Variants in OCA2 observed in about 807,000 individuals in gnomAD.
OCA2 encodes the protein OCA2 melanosomal transmembrane protein.
Under a neutral mutation model 100.2 loss-of-function variants are expected in OCA2, and 77 were observed. The ratio of observed to expected loss-of-function variants is 0.77; its 90% confidence interval spans 0.64 to 0.93. OCA2 has a LOEUF of 0.93. OCA2 is among the 40% of genes least tolerant of loss of function. The pLI is 0.00. For missense variants in OCA2, 1,062 were observed against 1,089.1 expected (o/e 0.98, Z 0.35); for synonymous variants, 432 against 439.2 (o/e 0.98, Z 0.21).
chr15:27,956,155 G>C (rs2040216308), intron 16 of OCA2, among the ~76,000 whole-genome samples: 1 of 152,102 alleles, frequency 6.6e-6, no homozygotes, highest in African/African-American at 2.4e-5. Flanking sequence ...TTCGAGATCA[G>C]CCTGACCAAC....
intron 2 of OCA2, among the ~76,000 whole-genome samples, chr15:28,077,809 C>T (rs1041807313): frequency 4.6e-5 from 7 of 152,180 alleles, no homozygotes; most frequent in Admixed American, 3.9e-4. Flanking sequence ...GGGCCAGAAG[C>T]GGTGGCTCAT....
intron 1 of OCA2, among the ~76,000 whole-genome samples, chr15:28,095,001 G>C (rs977846319): frequency 7.2e-5 from 11 of 152,254 alleles, no homozygotes; most frequent in Non-Finnish European, 2.9e-5. Flanking sequence ...CAGGAGCCTG[G>C]GTCACCTGCT....
chr15:27,835,127 G>A (rs1214516718), intron 23 of OCA2, among the ~76,000 whole-genome samples: 1 of 152,148 alleles, frequency 6.6e-6, no homozygotes, highest in East Asian at 1.9e-4. Context: ...ACATTTCTTT[G>A]GGCCTTTGTA....
intron 2 of OCA2, among the ~76,000 whole-genome samples, chr15:28,072,686 CA>C (rs1221877879): frequency 1.3e-5 from 2 of 150,136 alleles, no homozygotes; most frequent in African/African-American, 4.9e-5. Flanking sequence ...GGTGAACAAA[CA>C]TATGAAAAAG....
At chr15:28,024,055 T>G (rs1053340801) in intron 5 of OCA2, among the ~76,000 whole-genome samples, 5 of 152,182 alleles carry the variant, frequency 3.3e-5, no homozygotes, top group Non-Finnish European at 5.9e-5. Flanking sequence ...TGGCTCAGGC[T>G]ACATCAGGCC....
chr15:28,012,280 G>A (rs2042265473), intron 9 of OCA2, among the ~76,000 whole-genome samples: 1 of 152,210 alleles, frequency 6.6e-6, no homozygotes, highest in South Asian at 2.1e-4. Flanking sequence ...GTCATAGGCA[G>A]GGGCACATGG....
the OCA2 span, among the ~76,000 whole-genome samples, chr15:27,727,767 G>C: frequency 6.6e-6 from 1 of 152,184 alleles, no homozygotes; most frequent in Non-Finnish European, 1.5e-5. Context: ...GCAGTGTCCT[G>C]CAGGCACCAC....
chr15:27,724,759 T>C, the OCA2 span, among the ~76,000 whole-genome samples: 1 of 151,830 alleles, frequency 6.6e-6, no homozygotes. Flanking sequence ...TTAGAAATAT[T>C]ACATACCTGA....
At chr15:27,920,195 T>C (rs2038806766) in intron 19 of OCA2, among the ~76,000 whole-genome samples, 1 of 152,170 alleles carries the variant, frequency 6.6e-6, no homozygotes, top group African/African-American at 2.4e-5. Flanking sequence ...GATTCAACTG[T>C]ATGCTGTCTA....
At chr15:27,888,913 G>T (rs1166413815) in intron 19 of OCA2, among the ~76,000 whole-genome samples, 1 of 152,116 alleles carries the variant, frequency 6.6e-6, no homozygotes, top group Non-Finnish European at 1.5e-5. Flanking sequence ...ATGTAAACGA[G>T]ACCTGGTGCC....
chr15:27,751,262 C>T (rs968301459), downstream of OCA2, among the ~76,000 whole-genome samples: 3 of 152,116 alleles, frequency 2.0e-5, no homozygotes, highest in Non-Finnish European at 2.9e-5. Flanking sequence ...AAATGGTGGA[C>T]CCTTCCTATG....
the OCA2 span, among the ~76,000 whole-genome samples, chr15:27,731,573 A>G: frequency 6.6e-6 from 1 of 152,230 alleles, no homozygotes; most frequent in Non-Finnish European, 1.5e-5. Flanking sequence ...GAAATGGTGA[A>G]CTACATCTTT....
chr15:28,006,284 C>G (rs931576320), intron 9 of OCA2, among the ~76,000 whole-genome samples: 39 of 152,344 alleles, frequency 2.6e-4, no homozygotes, highest in African/African-American at 9.1e-4. Context: ...CTCATTGGAT[C>G]TGGCTTCGAA....
the OCA2 span, among the ~76,000 whole-genome samples, chr15:27,738,720 C>CAAA: frequency 0.14 from 19,543 of 141,250 alleles, 1,498 homozygotes; most frequent in Admixed American, 0.2. Context: ...GACTCGGTCT[C>CAAA]AGAAAAAAAA....
intron 23 of OCA2, among the ~76,000 whole-genome samples, chr15:27,834,930 C>T (rs976894241): frequency 6.6e-6 from 1 of 152,130 alleles, no homozygotes; most frequent in Non-Finnish European, 1.5e-5. Context: ...CAATGCACCA[C>T]GCTCATCTCA....
intron 18 of OCA2, among the ~76,000 whole-genome samples, chr15:27,938,263 GGAA>G (rs887028945): frequency 1.3e-5 from 2 of 152,076 alleles, no homozygotes; most frequent in African/African-American, 4.8e-5. Flanking sequence ...GTGCAGGAGG[GGAA>G]GAAGATACAC....
chr15:27,720,454 T>C, the OCA2 span, among the ~76,000 whole-genome samples: 1 of 150,222 alleles, frequency 6.7e-6, no homozygotes, highest in Non-Finnish European at 1.5e-5. Context: ...AATTCATCTG[T>C]TTATATATAT....
At chr15:28,060,901 C>T (rs571814807) in intron 2 of OCA2, among the ~76,000 whole-genome samples, 161 of 152,324 alleles carry the variant, frequency 1.1e-3, no homozygotes, top group African/African-American at 3.7e-3. Context: ...ACCCCTCTCA[C>T]AGGTACCATC....
intron 23 of OCA2, among the ~76,000 whole-genome samples, chr15:27,833,710 G>A (rs114920492): frequency 0.011 from 1,695 of 152,264 alleles, 35 homozygotes; most frequent in African/African-American, 0.039. Context: ...AATTTGATCC[G>A]TGGAAAGGCA....
Sources: gnomAD v4.1 joint callset for allele counts (sites outside exome capture counted in the v4.1 genomes callset) on GRCh38, gnomAD v4.1.1 for gene constraint, MANE v1.5 for transcripts, NCBI Gene and HGNC (gene_info 2026-07-23, HGNC 2026-07-21) for gene names.